Variants in APBB1IP observed in about 807,000 individuals in gnomAD.
APBB1IP encodes amyloid beta A4 precursor protein-binding family B member 1-interacting protein.
Under a neutral mutation model 64.9 loss-of-function variants are expected in APBB1IP, and 27 were observed. The ratio of observed to expected loss-of-function variants is 0.42; its 90% CI spans 0.31 to 0.57. The LOEUF is 0.57. Among genes scored for constraint, APBB1IP ranks in the 20% least tolerant of loss-of-function variants. The pLI is 0.20. For synonymous variants in APBB1IP, 392 were observed against 331.0 expected (o/e 1.18, Z -2.00); for missense variants, 812 against 845.5 (o/e 0.96, Z 0.49).
At chr10:26,525,335 T>C (rs762761941) in intron 8 of APBB1IP, among the ~76,000 whole-genome samples, 9 of 152,090 alleles carry the variant, frequency 5.9e-5, no homozygotes, top group Non-Finnish European at 5.9e-5. Context: ...TAAAAATACA[T>C]AATTTGCTTC....
intron 2 of APBB1IP, among the ~76,000 whole-genome samples, chr10:26,449,314 T>C (rs1174983871): frequency 1.3e-5 from 2 of 151,996 alleles, no homozygotes; most frequent in Admixed American, 1.3e-4. Flanking sequence ...TGTGTATATC[T>C]GTGTGTGTGT....
Position 26,560,180 on chromosome 10 carries a change from G to T in APBB1IP, c.1231G>T (p.Val411Phe). The part of the protein sequence containing the change: ...CDDTRTLNQW[V>F]MGIRIAKYGK... Reference sequence around the variant, plus strand: ...TGACACAAGAACCCTTAACCAGTGGGTCATGGGAATACGGATAGCCAAGGT... The same window carrying T: ...TGACACAAGAACCCTTAACCAGTGGTTCATGGGAATACGGATAGCCAAGGT... Residue 411 changes from valine to phenylalanine, a missense_variant, in exon 12 of 15, where the codon GTC becomes TTC. This residue lies in a region of APBB1IP where 37 missense variants were observed against 80.4 expected (regional missense o/e 0.46). Transcript: ENST00000376236. 6.2e-7 allele frequency: 1 copy of T among 1,614,114 alleles called. No homozygotes were observed. Among genetic ancestry groups the T allele is most frequent in the Non-Finnish European group, 8.5e-7 (1 of 1,179,998 alleles).
chr10:26,503,052 T>A, intron 5 of APBB1IP, 145 bp from the exon 6 acceptor site: 2 of 692,554 alleles, frequency 2.9e-6, no homozygotes, highest in Non-Finnish European at 4.7e-6. Context: ...CTTTAAAAAG[T>A]AATTAATAAA....
At chr10:26,483,290 T>C (rs1835857718) in intron 2 of APBB1IP, among the ~76,000 whole-genome samples, 1 of 152,180 alleles carries the variant, frequency 6.6e-6, no homozygotes, top group Admixed American at 6.5e-5. Flanking sequence ...AATAAATATT[T>C]GATGACTGAC....
chr10:26,532,137 GT>G (rs746235563), intron 8 of APBB1IP, among the ~76,000 whole-genome samples: 2 of 152,286 alleles, frequency 1.3e-5, no homozygotes, highest in East Asian at 3.9e-4. Flanking sequence ...GTAAACACTT[GT>G]GCCTAGATTC....
At chr10:26,452,560 C>A (rs74128316) in intron 2 of APBB1IP, among the ~76,000 whole-genome samples, 1,683 of 152,256 alleles carry the variant, frequency 0.011, 38 homozygotes, top group African/African-American at 0.037. Flanking sequence ...ATTTTTGTAA[C>A]CTATAAAATT....
At chr10:26,489,348 AT>A (rs771428328) in intron 2 of APBB1IP, among the ~76,000 whole-genome samples, 1 of 152,180 alleles carries the variant, frequency 6.6e-6, no homozygotes, top group Non-Finnish European at 1.5e-5. Flanking sequence ...TGATAAGGTT[AT>A]GTAGGAGAAG....
At chr10:26,439,706 C>T (rs1286852985) in intron 2 of APBB1IP, among the ~76,000 whole-genome samples, 1 of 152,134 alleles carries the variant, frequency 6.6e-6, no homozygotes, top group Non-Finnish European at 1.5e-5. Flanking sequence ...TGATCCTTGA[C>T]GAGACGGAGT....
At chr10:26,521,533 T>A (rs1836401468) in intron 8 of APBB1IP, among the ~76,000 whole-genome samples, 1 of 152,136 alleles carries the variant, frequency 6.6e-6, no homozygotes, top group South Asian at 2.1e-4. Flanking sequence ...TGTGCACAGC[T>A]GTGTCATTCT....
intron 2 of APBB1IP, among the ~76,000 whole-genome samples, chr10:26,473,458 G>A (rs1057039569): frequency 1.3e-5 from 2 of 152,218 alleles, no homozygotes; most frequent in Non-Finnish European, 2.9e-5. Context: ...TTTCAGCGCT[G>A]TCTCATTGTG....
chr10:26,501,087 A>G lies in APBB1IP; in HGVS notation c.429A>G (p.Pro143=), dbSNP rs781021334. 1 of 1,614,142 alleles carries G rather than the reference A, an allele frequency of 6.2e-7. No homozygotes were observed. The highest frequency in any genetic ancestry group is 1.7e-5 in the Admixed American group (1 of 59,996). ...CTGTGTTAGACCTTCCACTGCCACC[A>G]CCACCTCCTGAACCTCTCTCTCAGG... ...ADPVLDLPLP[P]PPPEPLSQEE... The change falls in exon 5 of 15, where the codon CCA becomes CCG. Residue 143 remains proline (P), a synonymous_variant. Coordinates refer to ENST00000376236, the MANE Select transcript of APBB1IP (RefSeq NM_019043.4).
At chr10:26,524,414 C>A (rs1836444630) in intron 8 of APBB1IP, among the ~76,000 whole-genome samples, 2 of 150,076 alleles carry the variant, frequency 1.3e-5, no homozygotes, top group Middle Eastern at 3.4e-3. Context: ...GAAAAAAAAA[C>A]AACAACAAAT....
At chr10:26,545,643 C>A (rs1447341995) in intron 11 of APBB1IP, among the ~76,000 whole-genome samples, 1 of 152,004 alleles carries the variant, frequency 6.6e-6, no homozygotes, top group East Asian at 1.9e-4. Flanking sequence ...GCCTGTAGTC[C>A]CAGCTACTCG....
chr10:26,516,251 G>A (rs967294099), intron 8 of APBB1IP, among the ~76,000 whole-genome samples: 9 of 152,130 alleles, frequency 5.9e-5, no homozygotes, highest in African/African-American at 1.9e-4. Flanking sequence ...ATGAATTTGA[G>A]GGCTTCAATA....
chr10:26,545,989 A>C (rs1026110450), intron 11 of APBB1IP, among the ~76,000 whole-genome samples: 7 of 152,058 alleles, frequency 4.6e-5, no homozygotes, highest in African/African-American at 1.7e-4. Context: ...TCATGGCCTG[A>C]TAAGGCCAGG....
At chr10:26,452,220 G>T (rs2992261) in intron 2 of APBB1IP, among the ~76,000 whole-genome samples, 92,052 of 151,958 alleles carry the variant, frequency 0.61, 28,535 homozygotes, top group East Asian at 0.92. Flanking sequence ...AGTCTTGCAC[G>T]ATTATCTAAG....
chr10:26,541,272 A>T (rs761388036), intron 10 of APBB1IP, among the ~76,000 whole-genome samples: 3 of 152,220 alleles, frequency 2.0e-5, no homozygotes, highest in Non-Finnish European at 4.4e-5. Flanking sequence ...GATCAAGGTA[A>T]TTAGCACATC....
intron 8 of APBB1IP, among the ~76,000 whole-genome samples, chr10:26,518,632 C>T (rs1189567027): frequency 2.0e-5 from 3 of 152,182 alleles, no homozygotes; most frequent in Non-Finnish European, 4.4e-5. Context: ...GTAGTGGCAT[C>T]TTCTGTGGTT....
At chr10:26,545,367 G>A (rs1249985811) in intron 11 of APBB1IP, among the ~76,000 whole-genome samples, 1 of 152,238 alleles carries the variant, frequency 6.6e-6, no homozygotes, top group Non-Finnish European at 1.5e-5. Flanking sequence ...GCACGTGCTT[G>A]TAATCCCAGC....
Sources: gnomAD v4.1 joint callset for allele counts (sites outside exome capture counted in the v4.1 genomes callset) on GRCh38, gnomAD v4.1.1 for gene constraint, gnomAD v4.1.1 regional missense constraint, MANE v1.5 for transcripts, NCBI Gene and HGNC (gene_info 2026-07-23, HGNC 2026-07-21) for gene names.